Variants in CYP19A1 observed in about 807,000 individuals in gnomAD.
CYP19A1 encodes cytochrome P450 family 19 subfamily A member 1.
In CYP19A1, 32 loss-of-function variants were observed where a neutral mutation model predicts 44.4. The observed-to-expected ratio is 0.72, with a 90% CI of 0.54 to 0.97. The LOEUF is 0.97. CYP19A1 is among the 50% of genes least tolerant of loss of function. The pLI is 0.00. For synonymous variants in CYP19A1, 212 were observed against 215.6 expected (o/e 0.98, Z 0.14); for missense variants, 598 against 637.8 (o/e 0.94, Z 0.67).
At chr15:51,214,423 G>A (rs1432104103) in intron 8 of CYP19A1, among the ~76,000 whole-genome samples, 1 of 152,104 alleles carries the variant, frequency 6.6e-6, no homozygotes, top group East Asian at 1.9e-4. Flanking sequence ...GAGAGGAAGG[G>A]GCTAGCATCA....
intron 1 of CYP19A1, among the ~76,000 whole-genome samples, chr15:51,249,666 G>T (rs925492632): frequency 1.3e-5 from 2 of 152,184 alleles, no homozygotes; most frequent in Admixed American, 1.3e-4. Flanking sequence ...GAGAATCACA[G>T]TTCTCTAGGA....
chr15:51,292,625 G>A lies in CYP19A1; in HGVS notation c.-39+45870C>T, dbSNP rs534038020. Among the ~76,000 whole-genome samples, 3 of 152,248 alleles carry A rather than the reference G, an allele frequency of 2.0e-5. No homozygotes were observed. The East Asian group carries it at 5.8e-4, about 29-fold the overall frequency. On this transcript the variant is annotated intron_variant, in intron 1 of 9. Transcript: ENST00000396402. ...AGAACAATGTCAAATAAACCTCAGG[G>A]GAAAGCTTCCTTCACTTGCACGGGG... is the stretch of plus-strand genomic sequence containing the variant.
At chr15:51,281,646 G>A (rs1354806929) in intron 1 of CYP19A1, among the ~76,000 whole-genome samples, 1 of 152,198 alleles carries the variant, frequency 6.6e-6, no homozygotes, top group Non-Finnish European at 1.5e-5. Flanking sequence ...CCCCCTCTCA[G>A]GGGACAGCTG....
chr15:51,266,765 G>A (rs1474969702), intron 1 of CYP19A1, among the ~76,000 whole-genome samples: 1 of 152,208 alleles, frequency 6.6e-6, no homozygotes, highest in Non-Finnish European at 1.5e-5. Context: ...ATCTGTGGAA[G>A]GCCCCAGGGC....
chr15:51,213,563 A>G (rs903523076), intron 8 of CYP19A1, among the ~76,000 whole-genome samples: 1 of 152,236 alleles, frequency 6.6e-6, no homozygotes, highest in Non-Finnish European at 1.5e-5. Flanking sequence ...ATGATGGAGA[A>G]GGTGACCAAA....
At chr15:51,266,177 G>A (rs2034912341) in intron 1 of CYP19A1, among the ~76,000 whole-genome samples, 1 of 152,228 alleles carries the variant, frequency 6.6e-6, no homozygotes. Context: ...TGGGAGAAGA[G>A]CAAAGAGAAA....
At chr15:51,297,391 G>C (rs1337013955) in intron 1 of CYP19A1, among the ~76,000 whole-genome samples, 1 of 152,168 alleles carries the variant, frequency 6.6e-6, no homozygotes, top group Non-Finnish European at 1.5e-5. Context: ...AGGTCCACCG[G>C]GGGAGACAGA....
intron 1 of CYP19A1, among the ~76,000 whole-genome samples, chr15:51,332,498 C>A (rs2036717323): frequency 6.6e-6 from 1 of 152,176 alleles, no homozygotes; most frequent in Non-Finnish European, 1.5e-5. Context: ...CCTGAACTGT[C>A]TATTATTATC....
chr15:51,273,504 T>C (rs796430299), intron 1 of CYP19A1, among the ~76,000 whole-genome samples: 24 of 152,252 alleles, frequency 1.6e-4, no homozygotes, highest in African/African-American at 5.3e-4. Context: ...AGGGTAATAG[T>C]CTACTCTCAC....
intron 1 of CYP19A1, chr15:51,255,724 G>T (rs963839978): frequency 6.6e-6 from 1 of 152,242 alleles, no homozygotes; most frequent in Non-Finnish European, 1.5e-5. Flanking sequence ...AAATCAGCAG[G>T]TGGGGCAGGC....
At chr15:51,308,019 C>T (rs2036245108) in intron 1 of CYP19A1, among the ~76,000 whole-genome samples, 1 of 152,214 alleles carries the variant, frequency 6.6e-6, no homozygotes, top group African/African-American at 2.4e-5. Context: ...TTTCCTTTCT[C>T]CCTGCTATTA....
At chr15:51,267,729 A>G (rs1283069832) in intron 1 of CYP19A1, among the ~76,000 whole-genome samples, 1 of 152,248 alleles carries the variant, frequency 6.6e-6, no homozygotes, top group Non-Finnish European at 1.5e-5. Flanking sequence ...TAAGAATTTC[A>G]TATGGTGACT....
chr15:51,318,945 T>C (rs1044596677), intron 1 of CYP19A1: 1 of 152,220 alleles, frequency 6.6e-6, no homozygotes, highest in Admixed American at 6.5e-5. Context: ...AAGCTGACCA[T>C]ACAGCTTTCT....
intron 2 of CYP19A1, among the ~76,000 whole-genome samples, chr15:51,237,762 A>G (rs2033499741): frequency 6.6e-6 from 1 of 152,216 alleles, no homozygotes; most frequent in Non-Finnish European, 1.5e-5. Flanking sequence ...TGTAAAGAAC[A>G]TGCGTCCAGG....
chr15:51,320,556 C>T (rs562297331), intron 1 of CYP19A1, among the ~76,000 whole-genome samples: 1 of 152,338 alleles, frequency 6.6e-6, no homozygotes, highest in East Asian at 1.9e-4. Context: ...CTGGCAATTT[C>T]TGAAGCTCCT....
chr15:51,292,163 C>A (rs955243169), intron 1 of CYP19A1, among the ~76,000 whole-genome samples: 3 of 152,158 alleles, frequency 2.0e-5, no homozygotes, highest in African/African-American at 7.2e-5. Flanking sequence ...TTTGGACCAC[C>A]CTAGCAATCA....
intron 2 of CYP19A1, among the ~76,000 whole-genome samples, chr15:51,238,692 A>C (rs1002602612): frequency 6.6e-6 from 1 of 152,176 alleles, no homozygotes. Flanking sequence ...CCTGCCATTC[A>C]AATGTAAGCT....
intron 1 of CYP19A1, among the ~76,000 whole-genome samples, chr15:51,258,120 C>T (rs1290211938): frequency 6.6e-6 from 1 of 152,158 alleles, no homozygotes; most frequent in Non-Finnish European, 1.5e-5. Context: ...AGGCTCTGTC[C>T]CTTTGACTGC....
rs181766689 is a variant in CYP19A1, at chr15:51,215,229, G to C, written c.862C>G (p.Arg288Gly). Residue 288 changes from arginine (R) to glycine (G), a missense_variant, in exon 8 of 10, where the codon CGT (arginine) becomes GGT (glycine). Coordinates refer to ENST00000396402, the MANE Select transcript of CYP19A1 (RefSeq NM_000103.4). ...ACATTCTCTCTTGTCAGGTCACCAC[G>C]TTTCTGAACAATTGGAAGATGGGAA... ...FATELILAEKRGDLTRENVNQ... is the reference protein window; with the variant it reads ...FATELILAEKGGDLTRENVNQ... 6.2e-7 allele frequency: 1 copy of C among 1,613,980 alleles called. No homozygotes were observed. The highest frequency in any genetic ancestry group is 1.7e-5 in the Admixed American group (1 of 60,000).
Sources: allele counts gnomAD v4.1 joint callset (sites outside exome capture counted in the v4.1 genomes callset), GRCh38; gene constraint gnomAD v4.1.1; transcripts MANE v1.5; gene names NCBI Gene and HGNC (gene_info 2026-07-23, HGNC 2026-07-21).